Variants in SMAD5 observed in about 807,000 individuals in gnomAD.
SMAD5 encodes MAD, mothers against decapentaplegic homolog 5.
SMAD5 carries 9 observed loss-of-function variants against 43.1 expected under a neutral mutation model. The observed-to-expected ratio is 0.21, with a 90% confidence interval of 0.13 to 0.36. The LOEUF is 0.36. Among genes scored for constraint, SMAD5 ranks in the 10% least tolerant of loss-of-function variants. SMAD5 has a pLI of 1.00. For missense variants in SMAD5, 348 were observed against 574.0 expected (o/e 0.61, Z 4.02); for synonymous variants, 190 against 192.4 (o/e 0.99, Z 0.10).
chr5:136,148,200 A>G lies in SMAD5; in HGVS notation c.-170+294A>G, dbSNP rs80340102. Among the ~76,000 whole-genome samples, 243 of 151,868 alleles carry G rather than the reference A, an allele frequency of 1.6e-3. 2 individuals are homozygous for G. The highest frequency in any genetic ancestry group is 9.9e-3 in the East Asian group (51 of 5,172). ...AACAATTTTTCCCACAAAATAATTC[A>G]GTATCATTATATGACAGCCTTCAAT... On this transcript the variant is annotated intron_variant, in intron 2 of 7. Transcript: ENST00000545279.
Position 136,136,707 on chromosome 5 carries a change from C to G in SMAD5, c.-245+3745C>G, listed in dbSNP as rs185814142. The stretch of plus-strand genomic sequence containing the variant: ...TCATAAATAATCAGCTAGTTCTGGG[C>G]TATTTATTTGAGAGTGTCTCTCTCT... On this transcript the variant is annotated intron_variant, in intron 1 of 7. Coordinates refer to ENST00000545279, the MANE Select transcript of SMAD5 (RefSeq NM_005903.7). Among the ~76,000 whole-genome samples, 811 of 152,112 alleles carry G rather than the reference C, an allele frequency of 5.3e-3. 7 individuals are homozygous for G. Among genetic ancestry groups the G allele is most frequent in the Middle Eastern group, 0.014 (4 of 294 alleles).
chr5:136,134,889 C>A (rs1752821921), intron 1 of SMAD5: 1 of 152,148 alleles, frequency 6.6e-6, no homozygotes. Context: ...CCTTTCAGAT[C>A]ATAGCTGAAA....
At chr5:136,133,058 G>C (rs776333311) in intron 1 of SMAD5, 96 bp downstream of exon 1, 2 of 152,384 alleles carry the variant, frequency 1.3e-5, no homozygotes, top group Non-Finnish European at 2.9e-5. Context: ...GTTCGGCCGC[G>C]GACGGAGCGG....
chr5:136,170,125 T>A (rs1405245738), intron 5 of SMAD5, among the ~76,000 whole-genome samples: 5 of 152,298 alleles, frequency 3.3e-5, no homozygotes, highest in Non-Finnish European at 5.9e-5. Flanking sequence ...TATCAATTAT[T>A]TCTTCCATGA....
chr5:136,138,317 G>T (rs546012417), intron 1 of SMAD5, among the ~76,000 whole-genome samples: 2 of 152,326 alleles, frequency 1.3e-5, no homozygotes, highest in South Asian at 4.1e-4. Flanking sequence ...TTTGAAATCT[G>T]CTATGAGAAC....
chr5:136,161,790 A>G (rs779426406), intron 4 of SMAD5, among the ~76,000 whole-genome samples: 3 of 152,232 alleles, frequency 2.0e-5, no homozygotes, highest in Admixed American at 6.5e-5. Flanking sequence ...AGAGTCATAT[A>G]TAAGTACAGT....
intron 1 of SMAD5, among the ~76,000 whole-genome samples, chr5:136,140,695 ACTT>A (rs1753050250): frequency 6.6e-6 from 1 of 151,516 alleles, no homozygotes; most frequent in Non-Finnish European, 1.5e-5. Context: ...CTCTTCCAGG[ACTT>A]CTTGTCCACC....
intron 1 of SMAD5, among the ~76,000 whole-genome samples, chr5:136,135,670 TTTTG>T (rs1223952557): frequency 6.6e-6 from 1 of 152,248 alleles, no homozygotes; most frequent in African/African-American, 2.4e-5. Flanking sequence ...AAGAAACTCT[TTTTG>T]TTTATGACAT....
chr5:136,176,457 C>CAAAA lies in SMAD5; in HGVS notation c.1255-857_1255-854dup, dbSNP rs60311104. ...GCAACAAGAGAGAAACTCTGTCTCA[C>CAAAA]AAAAAAAAAAAAAAAAAAAAAAAAA... is the stretch of plus-strand genomic sequence containing the variant. On this transcript the variant is annotated intron_variant, in intron 7 of 7. Coordinates refer to ENST00000545279, the MANE Select transcript of SMAD5 (RefSeq NM_005903.7). 2.6e-3 allele frequency among the ~76,000 whole-genome samples: 176 copies of CAAAA among 68,502 alleles called. 5 individuals carry two copies. The highest frequency in any genetic ancestry group is 8.2e-3 in the African/African-American group (170 of 20,616). The allele number at this position is 68,502 out of a possible 152,430, so 44.9% of individuals were successfully genotyped here.
chr5:136,137,017 A>ATT (rs60239443), intron 1 of SMAD5, among the ~76,000 whole-genome samples: 17 of 109,000 alleles, frequency 1.6e-4, no homozygotes, highest in East Asian at 2.7e-4. Context: ...TTTAGTTTTG[A>ATT]TTTTTTTTTT....
At chr5:136,173,941 TG>T (rs2149781310) in intron 6 of SMAD5, among the ~76,000 whole-genome samples, 1 of 151,964 alleles carries the variant, frequency 6.6e-6, no homozygotes. Flanking sequence ...TATGTAACTT[TG>T]GTTTTTTTTT....
chr5:136,160,797 G>C, intron 3 of SMAD5, 59 bp from the exon 4 acceptor site: 2 of 1,567,474 alleles, frequency 1.3e-6, no homozygotes, highest in Admixed American at 3.4e-5. Flanking sequence ...ACCCCTTAGT[G>C]TGGATGGGGC....
intron 3 of SMAD5, among the ~76,000 whole-genome samples, chr5:136,156,600 G>A (rs903590582): frequency 5.3e-5 from 8 of 152,146 alleles, no homozygotes; most frequent in Admixed American, 3.3e-4. Flanking sequence ...GATAGCTGAA[G>A]GAACTGATGA....
At chr5:136,151,519 G>A (rs1206245341) in intron 2 of SMAD5, among the ~76,000 whole-genome samples, 1 of 152,072 alleles carries the variant, frequency 6.6e-6, no homozygotes, top group Non-Finnish European at 1.5e-5. Context: ...GAAGTTAAGT[G>A]TGGTTAAATG....
chr5:136,163,275 A>T lies in SMAD5; in HGVS notation c.659A>T (p.Asp220Val). The T allele has an allele frequency of 6.2e-7, 1 of 1,605,872 alleles. No homozygotes were observed. The highest frequency in any genetic ancestry group is 1.1e-5 in the South Asian group (1 of 89,030). The change falls in exon 5 of 8, where the codon GAT (aspartate) becomes GTT (valine). Residue 220 changes from aspartate to valine, a missense_variant. By Grantham distance (152) the Asp-to-Val change is radical. Coordinates refer to ENST00000545279, the MANE Select transcript of SMAD5 (RefSeq NM_005903.7). Reference protein sequence around the residue: ...GPGSPFQLPADTPPPAYMPPD... With the variant: ...GPGSPFQLPAVTPPPAYMPPD... ...TTATTATTTTTTTTCCTCTTAGCTG[A>T]TACGCCTCCTCCTGCCTATATGCCA...
chr5:136,140,211 C>T lies in SMAD5; in HGVS notation c.-245+7249C>T, dbSNP rs567844631. Among the ~76,000 whole-genome samples, 14 of 152,038 alleles carry T rather than the reference C, an allele frequency of 9.2e-5. No homozygotes were observed. The East Asian group carries it at 1.6e-3, about 17-fold the overall frequency. On this transcript the variant is annotated intron_variant, in intron 1 of 7. Transcript: ENST00000545279. ...CTAATTTTTGTATTTTTCGTAGAGA[C>T]GGGGTTTCACCATGTTCGCCAGGCT...
In SMAD5 at chr5:136,166,664, C is replaced by A. The variant is rs116831015; in HGVS notation, c.775+3273C>A. ...TTATTAATATGTTGATTAAATTAGA[C>A]AATACATGTAATGATTTTAGCACAC... is the stretch of plus-strand genomic sequence containing the variant. On this transcript the variant is annotated intron_variant, in intron 5 of 7. Transcript: ENST00000545279. 1.5e-3 allele frequency among the ~76,000 whole-genome samples: 229 copies of A among 152,220 alleles called. 3 individuals carry two copies. Among genetic ancestry groups the A allele is most frequent in the African/African-American group, 5.2e-3 (218 of 41,544 alleles).
chr5:136,168,488 C>T (rs1754096689), intron 5 of SMAD5, among the ~76,000 whole-genome samples: 1 of 152,086 alleles, frequency 6.6e-6, no homozygotes. Context: ...ACAGAAAGTT[C>T]TCACATACTC....
chr5:136,154,662 C>T (rs1753574040), intron 3 of SMAD5, among the ~76,000 whole-genome samples: 3 of 152,286 alleles, frequency 2.0e-5, no homozygotes, highest in South Asian at 4.1e-4. Context: ...AATCACTGCA[C>T]TGTTTCCACT....
Sources: gnomAD v4.1 joint callset for allele counts (sites outside exome capture counted in the v4.1 genomes callset) on GRCh38, gnomAD v4.1.1 for gene constraint, MANE v1.5 for transcripts, NCBI Gene and HGNC (gene_info 2026-07-23, HGNC 2026-07-21) for gene names.